The following PIEZO2 variants were observed in gnomAD, a reference collection of about 807,000 sequenced individuals.
PIEZO2 encodes the protein piezo-type mechanosensitive ion channel component 2.
PIEZO2 carries 172 observed loss-of-function variants against 337.3 expected under a neutral mutation model. The observed-to-expected ratio is 0.51, with a 90% CI of 0.45 to 0.58. The LOEUF (loss-of-function observed/expected upper bound fraction) is 0.58. Ranked by LOEUF, PIEZO2 falls within the 20% of genes least tolerant of loss-of-function variation. The pLI, the probability that PIEZO2 is intolerant of heterozygous loss-of-function variation, is 0.00. For missense variants in PIEZO2, 3,028 were observed against 3,391.3 expected (o/e 0.89, Z 2.66); for synonymous variants, 1,251 against 1,228.5 (o/e 1.02, Z -0.38).
Position 10,784,904 on chromosome 18 carries a change from A to G in PIEZO2, c.2372T>C (p.Ile791Thr). Residue 791 changes from isoleucine to threonine, a missense_variant, in exon 17 of 56, where the codon ATA (isoleucine) becomes ACA (threonine). This residue lies in a region of PIEZO2 where 1,925 missense variants were observed against 2,051.9 expected (regional missense o/e 0.94). Transcript: ENST00000674853. The surrounding 1 kb of genome is among the most constrained non-coding windows in gnomAD (Gnocchi z 4.5). Reference protein sequence around the residue: ...QFTVAELFTRIFIPTSFLLVC... With the variant: ...QFTVAELFTRTFIPTSFLLVC... ...CAGCAGAAAGGAGGTTGGGATGAAT[A>G]TGCGAGTGAATAGTTCAGCCACAGT... 6.5e-7 allele frequency: 1 copy of G among 1,537,480 alleles called. No individual in the cohort carries two copies. Among genetic ancestry groups the G allele is most frequent in the Non-Finnish European group, 8.7e-7 (1 of 1,146,926 alleles).
In PIEZO2 at chr18:10,689,673, A is replaced by G. The variant is rs373854934; in HGVS notation, c.7479T>C (p.Cys2493=). ...TTCTTACCTTCTCCGACTCCCGCCA[A>G]CACTTCAGGATGAATATGTGAGCAT... ...DIYAHIFILK[C]WRESEKRYPQ... is the part of the protein sequence containing the mutation. The change falls in exon 49 of 56, where the codon TGT becomes TGC. Residue 2493 remains cysteine, a synonymous_variant. Coordinates refer to ENST00000674853, the MANE Select transcript of PIEZO2 (RefSeq NM_001378183.1). 4.7e-5 allele frequency: 76 copies of G among 1,614,114 alleles called. No individual in the cohort carries two copies. In the East Asian group the frequency reaches 5.8e-4, roughly 12 times the overall value.
chr18:10,763,195 G>T (rs2038214251), intron 21 of PIEZO2, 97 bp from the exon 22 acceptor site: 1 of 1,314,518 alleles, frequency 7.6e-7, no homozygotes, highest in African/African-American at 1.5e-5. Flanking sequence ...ACTCAGTTCG[G>T]CAAAAGCAGA....
chr18:11,062,706 T>C (rs1459416952), intron 2 of PIEZO2, among the ~76,000 whole-genome samples: 2 of 152,038 alleles, frequency 1.3e-5, no homozygotes, highest in East Asian at 3.9e-4. Context: ...AAAACCACAA[T>C]GAGATACCAT....
chr18:10,969,091 T>C lies in PIEZO2; in HGVS notation c.286+10444A>G, dbSNP rs916164819. Among the ~76,000 whole-genome samples the C allele has an allele frequency of 6.6e-5, 10 of 152,250 alleles. No individual in the cohort carries two copies. Among genetic ancestry groups the C allele is most frequent in the African/African-American group, 2.4e-4 (10 of 41,462 alleles). On this transcript the variant is annotated intron_variant, in intron 3 of 55. Coordinates refer to ENST00000674853, the MANE Select transcript of PIEZO2 (RefSeq NM_001378183.1). This position sits in a 1 kb window ranked among gnomAD's most constrained non-coding sequence, Gnocchi z 4.5. ...ATTTTCTAGAATGTCATTACTATGC[T>C]TAGCCCAATTCTGCTGCTTTCAAAT... is the stretch of plus-strand genomic sequence containing the variant.
In PIEZO2 at chr18:11,003,627, AT is replaced by A. The variant is rs2035621061; in HGVS notation, c.161-23968del. On this transcript the variant is annotated intron_variant, in intron 2 of 55. Transcript: ENST00000674853. This position sits in a 1 kb window ranked among gnomAD's most constrained non-coding sequence, Gnocchi z 4.6. Reference sequence around the variant, plus strand: ...TGGAAGTTCAGGGCACCAGGCGGGCATCAGGCGGGCACCAGCCCTAGCCAGT... The same window carrying A: ...TGGAAGTTCAGGGCACCAGGCGGGCACAGGCGGGCACCAGCCCTAGCCAGT... 6.6e-6 allele frequency among the ~76,000 whole-genome samples: 1 copy of A among 152,228 alleles called. No individual in the cohort carries two copies. Among genetic ancestry groups the A allele is most frequent in the African/African-American group, 2.4e-5 (1 of 41,468 alleles).
In PIEZO2 at chr18:10,763,533, G is replaced by T. The variant is rs192124031; in HGVS notation, c.2947-435C>A. On this transcript the variant is annotated intron_variant, in intron 21 of 55. Transcript: ENST00000674853. ...AGGCAGGAAAGCATGAGCTAGCATG[G>T]TGGGGACAGGCAACAACAAACGACT... 1.2e-4 allele frequency among the ~76,000 whole-genome samples: 18 copies of T among 152,332 alleles called. No individual in the cohort carries two copies. The East Asian group carries it at 3.3e-3, about 28-fold the overall frequency.
rs2038615651 is a variant in PIEZO2, at chr18:11,078,124, A to T, written c.65-11902T>A. ...AAACACATACACATATACACACCAT[A>T]CACACACATACACACACACTCACCA... On this transcript the variant is annotated intron_variant, in intron 1 of 55. Transcript: ENST00000674853. This position sits in a 1 kb window ranked among gnomAD's most constrained non-coding sequence, Gnocchi z 5.3. Among the ~76,000 whole-genome samples the T allele has an allele frequency of 6.8e-6, 1 of 146,920 alleles. No individual in the cohort carries two copies. The highest frequency in any genetic ancestry group is 2.1e-4 in the South Asian group (1 of 4,732).
At chr18:10,700,521 T>C (rs2035287147) in intron 43 of PIEZO2, among the ~76,000 whole-genome samples, 1 of 152,050 alleles carries the variant, frequency 6.6e-6, no homozygotes, top group Non-Finnish European at 1.5e-5. Context: ...ACACCAAGAT[T>C]TTATTATATG....
chr18:10,898,816 G>A (rs1355267485), intron 4 of PIEZO2, among the ~76,000 whole-genome samples: 1 of 152,150 alleles, frequency 6.6e-6, no homozygotes, highest in Non-Finnish European at 1.5e-5. Context: ...GTTTCTATCA[G>A]AGATGCAAAT....
At chr18:10,986,054 GA>G in intron 2 of PIEZO2, among the ~76,000 whole-genome samples, 1 of 152,052 alleles carries the variant, frequency 6.6e-6, no homozygotes, top group Admixed American at 6.5e-5. Context: ...AAGACAACAG[GA>G]TTGGGTATTC....
chr18:11,010,397 C>T (rs1397579805), intron 2 of PIEZO2, among the ~76,000 whole-genome samples: 1 of 152,134 alleles, frequency 6.6e-6, no homozygotes, highest in Non-Finnish European at 1.5e-5. Flanking sequence ...AGAAGTGTAA[C>T]GCACTGTACA....
At chr18:11,059,640 A>G (rs2037865024) in intron 2 of PIEZO2, among the ~76,000 whole-genome samples, 1 of 152,250 alleles carries the variant, frequency 6.6e-6, no homozygotes, top group South Asian at 2.1e-4. Context: ...TAAACCAACA[A>G]AGATCAAAAG....
intron 35 of PIEZO2, among the ~76,000 whole-genome samples, chr18:10,733,413 A>G (rs960149564): frequency 1.3e-5 from 2 of 151,486 alleles, no homozygotes; most frequent in African/African-American, 4.9e-5. Context: ...ATCCTTACTG[A>G]GTCAAGAAAT....
In PIEZO2 at chr18:11,092,859, G is replaced by A. The variant is rs886548188; in HGVS notation, c.65-26637C>T. Reference sequence around the variant, plus strand: ...CCACATATCTGTCCAGGGAGCAATCGCCAGCTCTCACATCTCTTGCTATTC... The same window carrying A: ...CCACATATCTGTCCAGGGAGCAATCACCAGCTCTCACATCTCTTGCTATTC... On this transcript the variant is annotated intron_variant, in intron 1 of 55. Coordinates refer to ENST00000674853, the MANE Select transcript of PIEZO2 (RefSeq NM_001378183.1). This position sits in a 1 kb window ranked among gnomAD's most constrained non-coding sequence, Gnocchi z 4.5. Among the ~76,000 whole-genome samples, 12 of 152,176 alleles carry A rather than the reference G, an allele frequency of 7.9e-5. No individual in the cohort carries two copies. Among genetic ancestry groups the A allele is most frequent in the Admixed American group, 5.9e-4 (9 of 15,280 alleles).
intron 2 of PIEZO2, among the ~76,000 whole-genome samples, chr18:11,008,355 A>AT (rs1231406588): frequency 6.6e-6 from 1 of 152,192 alleles, no homozygotes; most frequent in East Asian, 1.9e-4. Context: ...CAATCAAGAT[A>AT]TATCAAAGCA....
At chr18:11,136,092 T>A (rs188059698) in intron 1 of PIEZO2, among the ~76,000 whole-genome samples, 2 of 152,366 alleles carry the variant, frequency 1.3e-5, no homozygotes, top group African/African-American at 4.8e-5. Flanking sequence ...TCACATCTTT[T>A]AAAATAACTT....
rs149745749 is a variant in PIEZO2 at position 11,116,156 on chromosome 18, G to T, written c.64+32369C>A. On this transcript the variant is annotated intron_variant, in intron 1 of 55. Transcript: ENST00000674853. This position sits in a 1 kb window ranked among gnomAD's most constrained non-coding sequence, Gnocchi z 5.0. ...CTATTTCCCAACATTCTTCATAAAA[G>T]ATTTTAGGACAATTATGCAAATAAA... 7.9e-3 allele frequency among the ~76,000 whole-genome samples: 1,207 copies of T among 152,236 alleles called. 8 individuals carry two copies. Among genetic ancestry groups the T allele is most frequent in the Middle Eastern group, 0.017 (5 of 294 alleles).
chr18:10,705,318 T>C lies in PIEZO2; in HGVS notation c.5999+18A>G. ...GTGATTTGGGGATATGTGTCTGATC[T>C]GTTCACTGGACCCTTACTTTTTCAG... On this transcript the variant is annotated intron_variant, in intron 41 of 55. Transcript: ENST00000674853. 6.6e-7 allele frequency: 1 copy of C among 1,517,484 alleles called. No individual in the cohort carries two copies. 94.0% of individuals were successfully genotyped at this position (1,517,484 alleles called of 1,614,324 possible).
chr18:10,682,287 G>T lies in PIEZO2; in HGVS notation c.7503C>A (p.Tyr2501Ter). 6.5e-7 allele frequency: 1 copy of T among 1,534,990 alleles called. No individual in the cohort carries two copies. The highest frequency in any genetic ancestry group is 8.7e-7 in the Non-Finnish European group (1 of 1,145,614). The stretch of plus-strand genomic sequence containing the variant: ...TCTTCTTCTGGCCCCGTGGCTGAGG[G>T]TATCTCTGCAACAGAGAGTTCAGAC... ...LKCWRESEKR[Y>*]PQPRGQKKKK... The change falls in exon 50 of 56, where the codon TAC becomes TAA. Residue 2501 changes from tyrosine to a stop codon, truncating the protein, a stop_gained. Coordinates refer to ENST00000674853, the MANE Select transcript of PIEZO2 (RefSeq NM_001378183.1). LOFTEE classifies it high-confidence loss of function. The surrounding 1 kb of genome is among the most constrained non-coding windows in gnomAD (Gnocchi z 5.6).
Sources: allele counts gnomAD v4.1 joint callset (sites outside exome capture counted in the v4.1 genomes callset), GRCh38; gene constraint gnomAD v4.1.1; regional missense constraint gnomAD v4.1.1; non-coding constraint Gnocchi (gnomAD v3.1); transcripts MANE v1.5; gene names NCBI Gene and HGNC (gene_info 2026-07-23, HGNC 2026-07-21).